The following RGS21 variants were observed in gnomAD, a reference collection of about 807,000 sequenced individuals.
RGS21 encodes regulator of G-protein signalling 21.
RGS21 carries 19 observed loss-of-function variants against 18.7 expected under a neutral mutation model. The ratio of observed to expected loss-of-function variants is 1.01; its 90% CI spans 0.71 to 1.49. The LOEUF (loss-of-function observed/expected upper bound fraction) is 1.49. Ranked by LOEUF, RGS21 falls within the 40% of genes most tolerant of loss-of-function variation. The pLI is 0.00. For synonymous variants in RGS21, 56 were observed against 57.8 expected (o/e 0.97, Z 0.14); for missense variants, 194 against 176.8 (o/e 1.10, Z -0.55).
At position 192,344,914 on chromosome 1, in the gene RGS21, C is replaced by A. The variant is rs541249088; in HGVS notation, c.11+1867C>A. Reference sequence around the variant, plus strand: ...GGACCTTGATTAATACTAGGATATACCCATATAACTAATTCTATTATCCAT... The same window carrying A: ...GGACCTTGATTAATACTAGGATATAACCATATAACTAATTCTATTATCCAT... On this transcript the variant is annotated intron_variant, in intron 2 of 4. Coordinates refer to ENST00000417209, the MANE Select transcript of RGS21 (RefSeq NM_001039152.3). Among the ~76,000 whole-genome samples, 5 of 152,060 alleles carry A rather than the reference C, an allele frequency of 3.3e-5. No individual in the cohort carries two copies. In the East Asian group the frequency reaches 9.6e-4, roughly 29 times the overall value.
In RGS21 at chr1:192,317,279, A is replaced by G. The variant is rs1658434183; in HGVS notation, c.-61+174A>G. 2.6e-5 allele frequency among the ~76,000 whole-genome samples: 4 copies of G among 152,080 alleles called. No individual in the cohort carries two copies. The South Asian group carries it at 8.3e-4, about 31-fold the overall frequency. On this transcript the variant is annotated intron_variant, in intron 1 of 4. Coordinates refer to ENST00000417209, the MANE Select transcript of RGS21 (RefSeq NM_001039152.3). Reference sequence around the variant, plus strand: ...GCTATTCATTTGGTAACATTTGCAGAAAATAATATATTATCACAGATTGTC... The same window carrying G: ...GCTATTCATTTGGTAACATTTGCAGGAAATAATATATTATCACAGATTGTC...
intron 1 of RGS21, among the ~76,000 whole-genome samples, chr1:192,327,219 A>G (rs1369468337): frequency 6.6e-6 from 1 of 152,162 alleles, no homozygotes; most frequent in Non-Finnish European, 1.5e-5. Context: ...ACCAGGTGGC[A>G]AAGAGCAATG....
rs564873531 is a variant in RGS21, at chr1:192,331,450, G to C, written c.-60-11527G>C. ...TAGTCCCAGCTACTTGGGAGGCTGA[G>C]GCAGGGGAATCGATTGAACATGGGA... On this transcript the variant is annotated intron_variant, in intron 1 of 4. Transcript: ENST00000417209. Among the ~76,000 whole-genome samples, 14 of 152,132 alleles carry C rather than the reference G, an allele frequency of 9.2e-5. 1 individual carries two copies. The South Asian group carries it at 2.9e-3, about 32-fold the overall frequency.
At chr1:192,330,512 G>A (rs1005116492) in intron 1 of RGS21, among the ~76,000 whole-genome samples, 5 of 152,156 alleles carry the variant, frequency 3.3e-5, no homozygotes, top group African/African-American at 1.2e-4. Flanking sequence ...CATCTTAAAA[G>A]GTTTACACAA....
At chr1:192,350,258 T>TA (rs987768551) in intron 3 of RGS21, among the ~76,000 whole-genome samples, 8 of 152,188 alleles carry the variant, frequency 5.3e-5, no homozygotes, top group African/African-American at 9.7e-5. Flanking sequence ...CAAATAACTT[T>TA]AAAAAAATCT....
At chr1:192,335,594 T>C (rs1250573148) in intron 1 of RGS21, among the ~76,000 whole-genome samples, 1 of 152,122 alleles carries the variant, frequency 6.6e-6, no homozygotes, top group Non-Finnish European at 1.5e-5. Context: ...GTCTCTACCT[T>C]AGATAAGAAA....
intron 4 of RGS21, among the ~76,000 whole-genome samples, chr1:192,360,499 C>T (rs144233455): frequency 2.6e-5 from 4 of 152,076 alleles, no homozygotes; most frequent in Non-Finnish European, 5.9e-5. Flanking sequence ...TGTTACCAAA[C>T]CTAATTCACC....
At chr1:192,350,421 ATTG>A (rs1370258014) in intron 3 of RGS21, among the ~76,000 whole-genome samples, 1 of 151,972 alleles carries the variant, frequency 6.6e-6, no homozygotes, top group African/African-American at 2.4e-5. Context: ...CTTTTCTCTT[ATTG>A]TTTTCTATTT....
chr1:192,352,286 C>A, intron 4 of RGS21, 73 bp downstream of exon 4: 1 of 1,064,356 alleles, frequency 9.4e-7, no homozygotes, highest in Non-Finnish European at 1.3e-6. Context: ...GACCTTAAAT[C>A]CATCTAAAAG....
At chr1:192,329,299 G>C (rs1403559543) in intron 1 of RGS21, among the ~76,000 whole-genome samples, 1 of 151,988 alleles carries the variant, frequency 6.6e-6, no homozygotes, top group Non-Finnish European at 1.5e-5. Context: ...TTGGATATAT[G>C]TCAGCTTCAT....
At chr1:192,336,520 A>G (rs1214765155) in intron 1 of RGS21, among the ~76,000 whole-genome samples, 1 of 152,086 alleles carries the variant, frequency 6.6e-6, no homozygotes, top group East Asian at 1.9e-4. Flanking sequence ...TCAATGCAAG[A>G]CCTGGTTACT....
At chr1:192,321,001 A>G (rs1030915322) in intron 1 of RGS21, among the ~76,000 whole-genome samples, 31 of 152,140 alleles carry the variant, frequency 2.0e-4, no homozygotes, top group African/African-American at 7.2e-4. Flanking sequence ...TAATATTACC[A>G]TGACTCTATA....
Position 192,326,205 on chromosome 1 carries a change from T to C in RGS21, c.-61+9100T>C, listed in dbSNP as rs76420585. ...TTGACATGACTTTAAAATAATGATG[T>C]TTCTTTTTATGTTATACCACTTAAT... On this transcript the variant is annotated intron_variant, in intron 1 of 4. Coordinates refer to ENST00000417209, the MANE Select transcript of RGS21 (RefSeq NM_001039152.3). Among the ~76,000 whole-genome samples the C allele has an allele frequency of 7.2e-5, 11 of 152,214 alleles. No individual in the cohort carries two copies. The East Asian group carries it at 1.7e-3, about 24-fold the overall frequency.
chr1:192,324,085 A>G (rs1469372867), intron 1 of RGS21, among the ~76,000 whole-genome samples: 1 of 152,084 alleles, frequency 6.6e-6, no homozygotes, highest in African/African-American at 2.4e-5. Context: ...GAAATAATAC[A>G]CATGTAATCA....
In RGS21 at chr1:192,335,900, A is replaced by C. The variant is rs376203012; in HGVS notation, c.-60-7077A>C. Among the ~76,000 whole-genome samples, 30 of 152,302 alleles carry C rather than the reference A, an allele frequency of 2.0e-4. No individual in the cohort carries two copies. The East Asian group carries it at 5.6e-3, about 28-fold the overall frequency. ...AAAACACAAACACCTGTGTTTTAGAAAAACAGTTTATATACTACCAGGCTA... is the reference window on the plus strand; with the variant it reads ...AAAACACAAACACCTGTGTTTTAGACAAACAGTTTATATACTACCAGGCTA... On this transcript the variant is annotated intron_variant, in intron 1 of 4. Transcript: ENST00000417209.
chr1:192,352,577 TAGGAATTAG>T (rs1659059584), intron 4 of RGS21, among the ~76,000 whole-genome samples: 1 of 152,104 alleles, frequency 6.6e-6, no homozygotes. Context: ...TTTGCTAAAC[TAGGAATTAG>T]ACAAAGTCAA....
At chr1:192,317,500 A>T (rs1658437536) in intron 1 of RGS21, among the ~76,000 whole-genome samples, 1 of 128,728 alleles carries the variant, frequency 7.8e-6, no homozygotes, top group African/African-American at 3.3e-5. Flanking sequence ...AAAAGCAACT[A>T]GAACAAGTAA....
chr1:192,328,728 C>T (rs981166592), intron 1 of RGS21, among the ~76,000 whole-genome samples: 1 of 151,970 alleles, frequency 6.6e-6, no homozygotes, highest in Non-Finnish European at 1.5e-5. Context: ...ATTGATATAA[C>T]TATATATGTA....
At chr1:192,320,764 A>G (rs1182400088) in intron 1 of RGS21, among the ~76,000 whole-genome samples, 1 of 152,046 alleles carries the variant, frequency 6.6e-6, no homozygotes, top group Non-Finnish European at 1.5e-5. Context: ...ACATGAGAAG[A>G]AACAAAGCAA....
Sources: allele counts gnomAD v4.1 joint callset (sites outside exome capture counted in the v4.1 genomes callset), GRCh38; gene constraint gnomAD v4.1.1; transcripts MANE v1.5; gene names NCBI Gene and HGNC (gene_info 2026-07-23, HGNC 2026-07-21).